ADCY2: variants seen among roughly 807,000 people sequenced by gnomAD.
The protein encoded by ADCY2 is adenylate cyclase type 2.
Under a neutral mutation model 125.2 loss-of-function variants are expected in ADCY2, and 31 were observed. The ratio of observed to expected loss-of-function variants is 0.25; its 90% CI spans 0.19 to 0.33. The LOEUF is 0.33. Among genes scored for constraint, ADCY2 ranks in the 10% least tolerant of loss-of-function variants. The probability of loss-of-function intolerance (pLI) is 1.00; values close to 1 mark genes in which losing one functional copy is unlikely to be tolerated. For synonymous variants in ADCY2, 512 were observed against 548.4 expected (o/e 0.93, Z 0.93); for missense variants, 904 against 1,418.2 (o/e 0.64, Z 5.82).
At chr5:7,650,932 G>A (rs1476923656) in intron 4 of ADCY2, among the ~76,000 whole-genome samples, 8 of 152,156 alleles carry the variant, frequency 5.3e-5, no homozygotes, top group Admixed American at 6.5e-5. Flanking sequence ...CTGACAAGAC[G>A]TTGCTCGGTG....
At chr5:7,623,224 C>T (rs1738014491) in intron 3 of ADCY2, among the ~76,000 whole-genome samples, 1 of 152,152 alleles carries the variant, frequency 6.6e-6, no homozygotes, top group African/African-American at 2.4e-5. Flanking sequence ...GACGGGTTTG[C>T]TTCGAAGGCA....
intron 3 of ADCY2, among the ~76,000 whole-genome samples, chr5:7,536,104 T>TA (rs1305824280): frequency 1.3e-5 from 2 of 152,248 alleles, no homozygotes; most frequent in African/African-American, 2.4e-5. Context: ...TATAAAACTC[T>TA]GATGTAAGGC....
chr5:7,461,889 C>A (rs1381942452), intron 2 of ADCY2, among the ~76,000 whole-genome samples: 3 of 152,182 alleles, frequency 2.0e-5, no homozygotes, highest in Non-Finnish European at 2.9e-5. Flanking sequence ...CATATTTAAG[C>A]ATCTATGATA....
chr5:7,407,261 A>G (rs1358835483), intron 1 of ADCY2, among the ~76,000 whole-genome samples: 3 of 152,218 alleles, frequency 2.0e-5, no homozygotes, highest in Admixed American at 2.0e-4. Context: ...TGGGTGGAAA[A>G]GTCAGAACAT....
At chr5:7,777,057 A>C (rs1241770625) in intron 18 of ADCY2, among the ~76,000 whole-genome samples, 1 of 150,036 alleles carries the variant, frequency 6.7e-6, no homozygotes, top group African/African-American at 2.4e-5. Context: ...ACTCCCTTCT[A>C]TATATATATA....
chr5:7,736,501 C>T (rs1001480826), intron 14 of ADCY2, among the ~76,000 whole-genome samples: 5 of 152,170 alleles, frequency 3.3e-5, no homozygotes, highest in Non-Finnish European at 2.9e-5. Flanking sequence ...CCTTTATCAG[C>T]TCTTAATAGA....
At chr5:7,738,038 C>T (rs1420195000) in intron 14 of ADCY2, among the ~76,000 whole-genome samples, 2 of 152,114 alleles carry the variant, frequency 1.3e-5, no homozygotes, top group Non-Finnish European at 2.9e-5. Context: ...AATGGAAGTT[C>T]CTCAAGCTAA....
At position 7,418,647 on chromosome 5, in the gene ADCY2, G is replaced by GTTT. The variant is rs869287430; in HGVS notation, c.408+3901_408+3903dup. Among the ~76,000 whole-genome samples the GTTT allele has an allele frequency of 9.1e-3, 674 of 73,748 alleles. 131 individuals are homozygous for GTTT. The highest frequency in any genetic ancestry group is 0.035 in the African/African-American group (556 of 16,054). 48.4% of individuals were successfully genotyped at this position (73,748 alleles called of 152,430 possible). On this transcript the variant is annotated intron_variant, in intron 2 of 24. Coordinates refer to ENST00000338316, the MANE Select transcript of ADCY2 (RefSeq NM_020546.3). ...AATTAAAAACAAAAGTCTACCTTCT[G>GTTT]TTTTTTTTTTTTTTTTTTTTTTTTT...
At chr5:7,729,789 A>G (rs966852698) in intron 14 of ADCY2, among the ~76,000 whole-genome samples, 1 of 148,644 alleles carries the variant, frequency 6.7e-6, no homozygotes, top group Non-Finnish European at 1.5e-5. Flanking sequence ...TCTTTTAGTG[A>G]TTATCATTAA....
At chr5:7,754,469 C>G (rs1363887510) in intron 15 of ADCY2, among the ~76,000 whole-genome samples, 2 of 151,800 alleles carry the variant, frequency 1.3e-5, no homozygotes, top group Non-Finnish European at 2.9e-5. Flanking sequence ...TTTCTGTGTA[C>G]AGAAATTATC....
chr5:7,417,161 C>G (rs868105572), intron 2 of ADCY2, among the ~76,000 whole-genome samples: 2 of 152,066 alleles, frequency 1.3e-5, no homozygotes, highest in Non-Finnish European at 2.9e-5. Flanking sequence ...ATTCTGATTA[C>G]TTTTTGTTCC....
chr5:7,639,387 G>A (rs989278675), intron 4 of ADCY2, among the ~76,000 whole-genome samples: 1 of 152,204 alleles, frequency 6.6e-6, no homozygotes, highest in African/African-American at 2.4e-5. Context: ...CTGCACAGCA[G>A]TGAGAAAGGC....
intron 20 of ADCY2, among the ~76,000 whole-genome samples, chr5:7,792,029 A>C (rs558299473): frequency 6.6e-6 from 1 of 152,108 alleles, no homozygotes; most frequent in East Asian, 1.9e-4. Context: ...TGCCTAATTC[A>C]AGACCTGAGA....
chr5:7,636,721 A>G (rs927877214), intron 4 of ADCY2, among the ~76,000 whole-genome samples: 1 of 152,246 alleles, frequency 6.6e-6, no homozygotes, highest in African/African-American at 2.4e-5. Flanking sequence ...AGAAGAAGGT[A>G]TAAGTGGGAT....
At chr5:7,659,401 T>C (rs1439225743) in intron 4 of ADCY2, among the ~76,000 whole-genome samples, 1 of 152,234 alleles carries the variant, frequency 6.6e-6, no homozygotes, top group Non-Finnish European at 1.5e-5. Flanking sequence ...AATACCCAGA[T>C]TGCTGTACTG....
chr5:7,775,842 A>G (rs1406729008), intron 18 of ADCY2, among the ~76,000 whole-genome samples: 2 of 152,224 alleles, frequency 1.3e-5, no homozygotes, highest in Admixed American at 1.3e-4. Flanking sequence ...GGGCTGCACG[A>G]TATTATCAGA....
intron 1 of ADCY2, among the ~76,000 whole-genome samples, chr5:7,410,963 C>T (rs917985745): frequency 2.0e-5 from 3 of 152,104 alleles, no homozygotes; most frequent in African/African-American, 7.2e-5. Context: ...AAGCTGTCAT[C>T]CTAGGTCTGA....
intron 1 of ADCY2, among the ~76,000 whole-genome samples, chr5:7,409,148 A>G (rs546346770): frequency 3.9e-5 from 6 of 152,306 alleles, no homozygotes; most frequent in Admixed American, 1.3e-4. Context: ...CAAATACCGC[A>G]TACTCTCACT....
rs1739371624 is a variant in ADCY2 at position 7,403,973 on chromosome 5, CACAA to C, written c.210+7469_210+7472del. Among the ~76,000 whole-genome samples the C allele has an allele frequency of 4.0e-5, 6 of 151,620 alleles. No homozygotes were observed. The South Asian group carries it at 1.2e-3, about 32-fold the overall frequency. ...ACACACACACACACACACACACACA[CACAA>C]AATTACTAAAGCGCTGTAATAAGTA... is the stretch of plus-strand genomic sequence containing the variant. On this transcript the variant is annotated intron_variant, in intron 1 of 24. Coordinates refer to ENST00000338316, the MANE Select transcript of ADCY2 (RefSeq NM_020546.3).
Sources: allele counts gnomAD v4.1 joint callset (sites outside exome capture counted in the v4.1 genomes callset), GRCh38; gene constraint gnomAD v4.1.1; transcripts MANE v1.5; gene names NCBI Gene and HGNC (gene_info 2026-07-23, HGNC 2026-07-21).